GOLGA4: variants seen among roughly 807,000 people sequenced by gnomAD.
The protein encoded by GOLGA4 is golgin subfamily A member 4.
A neutral mutation model predicts 265.9 loss-of-function variants in GOLGA4; 169 were observed. The observed-to-expected ratio is 0.64, with a 90% CI of 0.56 to 0.72. GOLGA4 has a LOEUF of 0.72. GOLGA4 is among the 30% of genes least tolerant of loss of function. GOLGA4 has a pLI of 0.00. For missense variants in GOLGA4, 2,482 were observed against 2,483.4 expected, an observed-to-expected ratio of 1.00 and a Z score of 0.01; for synonymous variants, 923 against 855.8, an observed-to-expected ratio of 1.08 and a Z score of -1.37.
chr3:37,268,783 G>T (rs1302394556), intron 2 of GOLGA4, among the ~76,000 whole-genome samples: 1 of 152,128 alleles, frequency 6.6e-6, no homozygotes, highest in Non-Finnish European at 1.5e-5. Context: ...TTTTGGCCAG[G>T]CTGGTCTGGA....
At chr3:37,355,933 T>C (rs2097089812) in intron 22 of GOLGA4, among the ~76,000 whole-genome samples, 1 of 152,000 alleles carries the variant, frequency 6.6e-6, no homozygotes. Context: ...TTTACCTATT[T>C]CATCATACCA....
intron 23 of GOLGA4, among the ~76,000 whole-genome samples, chr3:37,362,244 T>A (rs1244151208): frequency 6.9e-6 from 1 of 145,150 alleles, no homozygotes; most frequent in South Asian, 2.2e-4. Flanking sequence ...TTTATTATTT[T>A]TTTTTTTTTT....
intron 2 of GOLGA4, among the ~76,000 whole-genome samples, chr3:37,252,268 C>A (rs1355869067): frequency 6.6e-6 from 1 of 151,670 alleles, no homozygotes; most frequent in Admixed American, 6.6e-5. Flanking sequence ...TGCTCCCTTT[C>A]CCCCTGAAGG....
intron 2 of GOLGA4, among the ~76,000 whole-genome samples, chr3:37,271,007 C>T (rs2096797178): frequency 1.3e-5 from 2 of 151,862 alleles, no homozygotes; most frequent in South Asian, 4.2e-4. Flanking sequence ...CTCATTAAGA[C>T]CACGCAACCT....
chr3:37,272,182 A>C (rs1420538503), intron 2 of GOLGA4, among the ~76,000 whole-genome samples: 2 of 152,002 alleles, frequency 1.3e-5, no homozygotes, highest in African/African-American at 4.8e-5. Flanking sequence ...CCATCCCTGC[A>C]CCCCCGGTCT....
At position 37,324,384 on chromosome 3, in the gene GOLGA4, CAGAA is replaced by C; in HGVS notation, c.2503_2506del (p.Arg835PhefsTer21). On this transcript the variant is annotated frameshift_variant, in exon 14 of 24. Transcript: ENST00000361924. LOFTEE classifies it high-confidence loss of function. ...CAGCAGAAGTTGTTGGATTTGGAAA[CAGAA>C]AGAATTCTTCTTACCAAACAGGTTG... 5 of 1,614,142 alleles carry C rather than the reference CAGAA, an allele frequency of 3.1e-6. No homozygotes were observed. The highest frequency in any genetic ancestry group is 4.2e-6 in the Non-Finnish European group (5 of 1,179,998).
chr3:37,286,607 A>T (rs2096850158), intron 4 of GOLGA4, among the ~76,000 whole-genome samples: 2 of 152,164 alleles, frequency 1.3e-5, no homozygotes. Flanking sequence ...CTTGAGTTAC[A>T]GATCTCGGTA....
At chr3:37,316,753 G>C (rs1391355478) in intron 11 of GOLGA4, among the ~76,000 whole-genome samples, 1 of 151,870 alleles carries the variant, frequency 6.6e-6, no homozygotes, top group Non-Finnish European at 1.5e-5. Flanking sequence ...TTTCCTTTTT[G>C]AGTATATTTC....
intron 19 of GOLGA4, 75 bp from the exon 20 acceptor site, chr3:37,340,049 T>A: frequency 1.5e-6 from 1 of 665,488 alleles, no homozygotes; most frequent in South Asian, 1.9e-5. Context: ...AACCTTGTGG[T>A]GACAGCAATC....
chr3:37,296,627 G>A (rs896242365), intron 7 of GOLGA4, among the ~76,000 whole-genome samples: 6 of 152,310 alleles, frequency 3.9e-5, no homozygotes, highest in African/African-American at 1.4e-4. Flanking sequence ...CTGGAGTGCA[G>A]TAGCATGATC....
chr3:37,250,909 T>C (rs1054563893), intron 1 of GOLGA4, among the ~76,000 whole-genome samples: 20 of 152,172 alleles, frequency 1.3e-4, no homozygotes, highest in Admixed American at 5.9e-4. Context: ...GCAAGTGCTG[T>C]TTATCTGTGC....
At chr3:37,299,958 G>T (rs2096888554) in intron 9 of GOLGA4, among the ~76,000 whole-genome samples, 1 of 152,116 alleles carries the variant, frequency 6.6e-6, no homozygotes, top group Non-Finnish European at 1.5e-5. Context: ...GGCTGAGGCA[G>T]GAGGATTGCT....
chr3:37,360,359 C>G (rs1185653837), intron 22 of GOLGA4, among the ~76,000 whole-genome samples: 1 of 152,122 alleles, frequency 6.6e-6, no homozygotes, highest in Non-Finnish European at 1.5e-5. Flanking sequence ...TAGGGAACAT[C>G]CATATACATG....
chr3:37,308,602 A>C (rs951377985), intron 10 of GOLGA4, among the ~76,000 whole-genome samples: 22 of 146,802 alleles, frequency 1.5e-4, no homozygotes, highest in Admixed American at 1.4e-3. Flanking sequence ...CTGTATTAAT[A>C]ATTAAAAGTA....
Position 37,321,911 on chromosome 3 carries a change from C to T in GOLGA4, c.1701+25C>T, listed in dbSNP as rs777161497. 4 of 1,561,762 alleles carry T rather than the reference C, an allele frequency of 2.6e-6. No individual in the cohort carries two copies. In the South Asian group the frequency reaches 3.6e-5, roughly 14 times the overall value. ...TGTAAGTTTTAATAATATTCAGATT[C>T]TGGAGTTGTGAAATTATTTGCATAT... On this transcript the variant is annotated intron_variant, in intron 13 of 23. Transcript: ENST00000361924.
At chr3:37,314,567 C>A (rs761201684) in intron 10 of GOLGA4, among the ~76,000 whole-genome samples, 1 of 151,212 alleles carries the variant, frequency 6.6e-6, no homozygotes, top group East Asian at 2.0e-4. Flanking sequence ...CTTGAACCCG[C>A]GAGGCAGAGG....
At chr3:37,358,237 A>G (rs961028572) in intron 22 of GOLGA4, among the ~76,000 whole-genome samples, 13 of 152,190 alleles carry the variant, frequency 8.5e-5, no homozygotes, top group African/African-American at 3.1e-4. Context: ...ATGATTATAC[A>G]TTTACTTTGT....
chr3:37,306,476 G>A (rs2096906401), intron 10 of GOLGA4, among the ~76,000 whole-genome samples: 1 of 149,774 alleles, frequency 6.7e-6, no homozygotes, highest in African/African-American at 2.5e-5. Flanking sequence ...TGCTACCGAA[G>A]TTCACACTAG....
intron 16 of GOLGA4, among the ~76,000 whole-genome samples, chr3:37,334,432 A>G (rs2097002445): frequency 6.6e-6 from 1 of 152,098 alleles, no homozygotes; most frequent in South Asian, 2.1e-4. Context: ...TGGTGGGGGT[A>G]AATACATAGG....
Sources: allele counts gnomAD v4.1 joint callset (sites outside exome capture counted in the v4.1 genomes callset), GRCh38; gene constraint gnomAD v4.1.1; transcripts MANE v1.5; gene names NCBI Gene and HGNC (gene_info 2026-07-23, HGNC 2026-07-21).